The following R3HCC1L variants were observed in gnomAD, a reference collection of about 807,000 sequenced individuals.
The protein encoded by R3HCC1L is coiled-coil domain-containing protein R3HCC1L.
R3HCC1L carries 51 observed loss-of-function variants against 59.9 expected under a neutral mutation model. That is an observed-to-expected ratio of 0.85 (90% CI 0.68 to 1.07). R3HCC1L has a LOEUF of 1.07. Among genes scored for constraint, R3HCC1L ranks in the 50% least tolerant of loss-of-function variants. The pLI, the probability that R3HCC1L is intolerant of heterozygous loss-of-function variation, is 0.00. For missense variants in R3HCC1L, 965 were observed against 933.0 expected (o/e 1.03, Z -0.45); for synonymous variants, 322 against 315.2 (o/e 1.02, Z -0.23).
chr10:98,242,320 C>T (rs1590861953), intron 9 of R3HCC1L, among the ~76,000 whole-genome samples: 1 of 152,114 alleles, frequency 6.6e-6, no homozygotes, highest in East Asian at 1.9e-4. Flanking sequence ...CTGCACTCCA[C>T]CCTGGGTGAC....
intron 6 of R3HCC1L, among the ~76,000 whole-genome samples, chr10:98,234,202 A>C (rs1590830599): frequency 6.6e-6 from 1 of 152,172 alleles, no homozygotes; most frequent in East Asian, 1.9e-4. Flanking sequence ...TAATTAGTTG[A>C]TGTCTATAAA....
In R3HCC1L at chr10:98,163,299, C is replaced by T. The variant is rs1474057611; in HGVS notation, c.-113C>T. Reference sequence around the variant, plus strand: ...TATTATTACTATTTTTCAGGTGAGGCTGCTGTCAGAAAGGAACTTTTACAC... The same window carrying T: ...TATTATTACTATTTTTCAGGTGAGGTTGCTGTCAGAAAGGAACTTTTACAC... On this transcript the variant is annotated 5_prime_UTR_variant, in exon 4 of 10. Transcript: ENST00000298999. 3 of 683,938 alleles carry T rather than the reference C, an allele frequency of 4.4e-6. No individual in the cohort carries two copies. The African/African-American group carries it at 5.5e-5, about 13-fold the overall frequency. 42.4% of individuals were successfully genotyped at this position (683,938 alleles called of 1,614,324 possible).
At chr10:98,220,315 T>G (rs2862295) in intron 5 of R3HCC1L, among the ~76,000 whole-genome samples, 27,539 of 151,386 alleles carry the variant, frequency 0.18, 2,631 homozygotes, top group Non-Finnish European at 0.2. Flanking sequence ...TGTATCTCAC[T>G]GACGTTCTTT....
chr10:98,172,098 T>C lies in R3HCC1L; in HGVS notation c.-15+8701T>C, dbSNP rs1345287268. Among the ~76,000 whole-genome samples, 3 of 152,066 alleles carry C rather than the reference T, an allele frequency of 2.0e-5. No homozygotes were observed. The East Asian group carries it at 5.8e-4, about 29-fold the overall frequency. The stretch of plus-strand genomic sequence containing the variant: ...TGGTAGAAAAGGTCTATTTGGTATG[T>C]CTAAGGCTCTACACATGTTTGAGGC... On this transcript the variant is annotated intron_variant, in intron 4 of 9. Transcript: ENST00000298999.
At chr10:98,179,310 A>G (rs751907529) in intron 4 of R3HCC1L, among the ~76,000 whole-genome samples, 1 of 152,112 alleles carries the variant, frequency 6.6e-6, no homozygotes, top group Non-Finnish European at 1.5e-5. Context: ...TTCTGCATCT[A>G]TTGAGATAAT....
chr10:98,227,160 A>G lies in R3HCC1L; in HGVS notation c.1786-4352A>G, dbSNP rs531077351. ...AGTGGGTTTACTTTACTGAATACTT[A>G]TGTGCCAAGCAGTATGCTAAGCACT... On this transcript the variant is annotated intron_variant, in intron 5 of 9. Transcript: ENST00000298999. Among the ~76,000 whole-genome samples the G allele has an allele frequency of 2.6e-5, 4 of 152,318 alleles. No individual in the cohort carries two copies. The South Asian group carries it at 8.3e-4, about 32-fold the overall frequency.
At chr10:98,175,227 A>G (rs1245510505) in intron 4 of R3HCC1L, among the ~76,000 whole-genome samples, 1 of 152,224 alleles carries the variant, frequency 6.6e-6, no homozygotes, top group Non-Finnish European at 1.5e-5. Flanking sequence ...CTAGACAGGC[A>G]TATTTTAAAG....
chr10:98,145,643 T>C (rs898516057), intron 1 of R3HCC1L, among the ~76,000 whole-genome samples: 4 of 152,210 alleles, frequency 2.6e-5, no homozygotes, highest in African/African-American at 9.6e-5. Context: ...TTTTAGAACC[T>C]GTAGAGCCAC....
At chr10:98,211,697 A>G (rs936176931) in intron 5 of R3HCC1L, among the ~76,000 whole-genome samples, 6 of 151,988 alleles carry the variant, frequency 3.9e-5, no homozygotes, top group African/African-American at 1.4e-4. Flanking sequence ...TATTTATCCA[A>G]TGGATGGCGT....
chr10:98,147,694 C>G (rs1034291392), intron 1 of R3HCC1L, among the ~76,000 whole-genome samples: 1 of 151,960 alleles, frequency 6.6e-6, no homozygotes. Flanking sequence ...GTTCTTGGTG[C>G]CTTTGTCAAA....
intron 1 of R3HCC1L, among the ~76,000 whole-genome samples, chr10:98,137,732 G>C (rs1417373340): frequency 5.3e-5 from 8 of 151,986 alleles, no homozygotes; most frequent in Non-Finnish European, 8.8e-5. Context: ...TTTGTACCTA[G>C]TTTGTTGAAA....
intron 5 of R3HCC1L, among the ~76,000 whole-genome samples, chr10:98,228,672 G>C (rs915370847): frequency 5.3e-5 from 8 of 152,168 alleles, no homozygotes; most frequent in Admixed American, 1.3e-4. Flanking sequence ...CCTGTGTCCT[G>C]AGTGGTATTG....
chr10:98,227,645 A>G (rs901549722), intron 5 of R3HCC1L, among the ~76,000 whole-genome samples: 5 of 150,162 alleles, frequency 3.3e-5, no homozygotes, highest in African/African-American at 1.2e-4. Context: ...GGTTTGTTAC[A>G]TATGTATACA....
At chr10:98,202,493 ATG>A (rs754265623) in intron 4 of R3HCC1L, among the ~76,000 whole-genome samples, 53 of 152,254 alleles carry the variant, frequency 3.5e-4, no homozygotes, top group Admixed American at 2.7e-3. Flanking sequence ...CTGGCTGAAA[ATG>A]TGTAACCTCA....
chr10:98,211,119 A>C (rs1351844127), intron 5 of R3HCC1L, among the ~76,000 whole-genome samples: 1 of 152,182 alleles, frequency 6.6e-6, no homozygotes, highest in Non-Finnish European at 1.5e-5. Context: ...ATGAGCATCC[A>C]TGAGCCCCTT....
intron 4 of R3HCC1L, among the ~76,000 whole-genome samples, chr10:98,165,682 A>G (rs1847876447): frequency 6.6e-6 from 1 of 152,248 alleles, no homozygotes; most frequent in South Asian, 2.1e-4. Flanking sequence ...GAGAATAGTT[A>G]TACAAAGTAA....
chr10:98,224,332 TGAA>T (rs1855415393), intron 5 of R3HCC1L, among the ~76,000 whole-genome samples: 1 of 152,058 alleles, frequency 6.6e-6, no homozygotes, highest in Non-Finnish European at 1.5e-5. Context: ...TTTTATATGT[TGAA>T]GAACTAAGTA....
chr10:98,209,011 C>T lies in R3HCC1L; in HGVS notation c.897C>T (p.Ile299=). 1.2e-6 allele frequency: 2 copies of T among 1,613,910 alleles called. No individual in the cohort carries two copies. The highest frequency in any genetic ancestry group is 2.2e-5 in the South Asian group (2 of 91,070). Residue 299 remains isoleucine (I), a synonymous_variant, in exon 5 of 10, where the codon ATC becomes ATT. Transcript: ENST00000298999. The part of the protein sequence containing the change: ...VGGIANSTGF[I]LDQKDTDSIP... The stretch of plus-strand genomic sequence containing the variant: ...GTATAGCCAATAGTACAGGTTTCAT[C>T]TTAGATCAAAAAGATACAGATTCCA...
At chr10:98,235,899 A>G in intron 8 of R3HCC1L, 125 bp from the exon 9 acceptor site, 1 of 1,113,938 alleles carries the variant, frequency 9.0e-7, no homozygotes, top group South Asian at 1.6e-5. Flanking sequence ...TCAGACTTGT[A>G]TTAATTACTG....
Sources: allele counts gnomAD v4.1 joint callset (sites outside exome capture counted in the v4.1 genomes callset), GRCh38; gene constraint gnomAD v4.1.1; transcripts MANE v1.5; gene names NCBI Gene and HGNC (gene_info 2026-07-23, HGNC 2026-07-21).